The following PPP3CB variants were observed in gnomAD, a reference collection of about 807,000 sequenced individuals.
PPP3CB encodes serine/threonine-protein phosphatase 2B catalytic subunit beta isoform.
A neutral mutation model predicts 66.4 loss-of-function variants in PPP3CB; 8 were observed. The ratio of observed to expected loss-of-function variants is 0.12; its 90% CI spans 0.07 to 0.22. The LOEUF (loss-of-function observed/expected upper bound fraction) is 0.22, where lower values mean the gene tolerates loss of function less well. PPP3CB is among the 10% of genes least tolerant of loss of function. PPP3CB has a pLI of 1.00. For synonymous variants in PPP3CB, 208 were observed against 221.2 expected (o/e 0.94, Z 0.53); for missense variants, 319 against 642.5 (o/e 0.50, Z 5.44).
chr10:73,483,310 T>C (rs2056913981), intron 1 of PPP3CB, among the ~76,000 whole-genome samples: 1 of 152,134 alleles, frequency 6.6e-6, no homozygotes. Flanking sequence ...ATGAAAGCTA[T>C]AGGGAATCAA....
At chr10:73,457,365 G>A (rs1020937037) in intron 9 of PPP3CB, among the ~76,000 whole-genome samples, 6 of 149,230 alleles carry the variant, frequency 4.0e-5, no homozygotes, top group Non-Finnish European at 7.4e-5. Flanking sequence ...GAGTCCAGGA[G>A]TTTGAGATTG....
At chr10:73,478,332 A>G (rs1414001459) in intron 3 of PPP3CB, among the ~76,000 whole-genome samples, 167 bp downstream of exon 3, 1 of 152,212 alleles carries the variant, frequency 6.6e-6, no homozygotes, top group Non-Finnish European at 1.5e-5. Context: ...ATTTATTTGA[A>G]TTGTTTGAAA....
intron 12 of PPP3CB, among the ~76,000 whole-genome samples, chr10:73,443,270 A>AG (rs2056185430): frequency 1.6e-5 from 2 of 128,764 alleles, no homozygotes; most frequent in African/African-American, 6.8e-5. Flanking sequence ...GAGAGAGAGA[A>AG]AGAAAGAAAG....
chr10:73,467,712 G>A (rs770083179), intron 8 of PPP3CB, 34 bp from the exon 9 acceptor site: 3 of 1,481,458 alleles, frequency 2.0e-6, no homozygotes, highest in South Asian at 1.3e-5. Context: ...TAACTTAATA[G>A]ATAAGTAACT....
chr10:73,468,946 A>C (rs1247092845), intron 8 of PPP3CB, among the ~76,000 whole-genome samples: 1 of 152,224 alleles, frequency 6.6e-6, no homozygotes, highest in Non-Finnish European at 1.5e-5. Flanking sequence ...TAGAATGAAA[A>C]ATTACAAACA....
At chr10:73,472,698 T>A (rs75146250) in intron 4 of PPP3CB, among the ~76,000 whole-genome samples, 7,079 of 152,096 alleles carry the variant, frequency 0.047, 502 homozygotes, top group African/African-American at 0.15. Flanking sequence ...GGTTCATCCA[T>A]TTTTTCTGAA....
At chr10:73,479,569 T>A (rs2056842631) in intron 1 of PPP3CB, 52 bp from the exon 2 acceptor site, 1 of 1,510,074 alleles carries the variant, frequency 6.6e-7, no homozygotes. Context: ...TACATTAACT[T>A]AAAAACTAAT....
chr10:73,491,592 C>T (rs1342661280), intron 1 of PPP3CB, among the ~76,000 whole-genome samples: 1 of 152,146 alleles, frequency 6.6e-6, no homozygotes, highest in Non-Finnish European at 1.5e-5. Context: ...AAAATTCAAG[C>T]TGCTTTAAAA....
chr10:73,474,777 C>T (rs1268839923), intron 4 of PPP3CB, 142 bp downstream of exon 4: 13 of 1,279,398 alleles, frequency 1.0e-5, no homozygotes, highest in East Asian at 5.4e-5. Context: ...AGAGAGTGCT[C>T]GACAACTTTC....
At chr10:73,472,338 T>C (rs1195446452) in intron 4 of PPP3CB, among the ~76,000 whole-genome samples, 2 of 151,896 alleles carry the variant, frequency 1.3e-5, no homozygotes, top group African/African-American at 2.4e-5. Context: ...CTACTAAAAA[T>C]ACAAAAATTA....
At chr10:73,492,156 C>T (rs899954216) in intron 1 of PPP3CB, among the ~76,000 whole-genome samples, 1 of 152,046 alleles carries the variant, frequency 6.6e-6, no homozygotes, top group African/African-American at 2.4e-5. Flanking sequence ...CACATAAATT[C>T]AGCATTTTGG....
In PPP3CB at chr10:73,438,396, T is replaced by G; in HGVS notation, c.1421A>C (p.His474Pro). ...EKAIRGFSPP[H>P]RICSFEEAKG... is the part of the protein sequence containing the mutation. The stretch of plus-strand genomic sequence containing the variant: ...TGCCTCTTCAAAACTGCAGATTCTA[T>G]GTGGTGGAGAGAATCCTCGTATTGC... The change falls in exon 14 of 14, where the codon CAT (histidine) becomes CCT (proline). Residue 474 changes from histidine (H) to proline (P), a missense_variant. Coordinates refer to ENST00000360663, the MANE Select transcript of PPP3CB (RefSeq NM_021132.4). 2 of 1,612,738 alleles carry G rather than the reference T, an allele frequency of 1.2e-6. No individual in the cohort carries two copies. Among genetic ancestry groups the G allele is most frequent in the Non-Finnish European group, 1.7e-6 (2 of 1,178,750 alleles).
chr10:73,470,754 A>G lies in PPP3CB; in HGVS notation c.915T>C (p.Thr305=), dbSNP rs758343204. 5 of 1,605,828 alleles carry G rather than the reference A, an allele frequency of 3.1e-6. No individual in the cohort carries two copies. The highest frequency in any genetic ancestry group is 3.4e-5 in the Admixed American group (2 of 59,386). The change falls in exon 8 of 14, where the codon ACT becomes ACC. Residue 305 remains threonine, a synonymous_variant. Coordinates refer to ENST00000360663, the MANE Select transcript of PPP3CB (RefSeq NM_021132.4). ...TTGTTATTAATGAAGGGAACCCTGTAGTTTGACTTTTTCTGTACATTCTAT... is the reference window on the plus strand; with the variant it reads ...TTGTTATTAATGAAGGGAACCCTGTGGTTTGACTTTTTCTGTACATTCTAT... ...AGYRMYRKSQ[T]TGFPSLITIF...
rs546973726 is a variant in PPP3CB at position 73,481,486 on chromosome 10, T to C, written c.86-1969A>G. The stretch of plus-strand genomic sequence containing the variant: ...ACTCCATCAAATATATATATATATA[T>C]ACATATATATATCTCTGAGCATATA... On this transcript the variant is annotated intron_variant, in intron 1 of 13. Coordinates refer to ENST00000360663, the MANE Select transcript of PPP3CB (RefSeq NM_021132.4). 4.0e-3 allele frequency among the ~76,000 whole-genome samples: 599 copies of C among 150,470 alleles called. 1 individual carries two copies. The highest frequency in any genetic ancestry group is 0.014 in the Middle Eastern group (4 of 292).
At chr10:73,470,811 T>C in intron 7 of PPP3CB, 30 bp from the exon 8 acceptor site, 1 of 1,586,904 alleles carries the variant, frequency 6.3e-7, no homozygotes, top group East Asian at 2.2e-5. Flanking sequence ...ATATGCATCG[T>C]AAAGCATCAA....
intron 3 of PPP3CB, among the ~76,000 whole-genome samples, chr10:73,475,730 C>G (rs2056774548): frequency 6.6e-6 from 1 of 152,112 alleles, no homozygotes; most frequent in Non-Finnish European, 1.5e-5. Context: ...AACATTATAG[C>G]AGATGCTATT....
chr10:73,477,087 T>C (rs1215852181), intron 3 of PPP3CB: 3 of 502,292 alleles, frequency 6.0e-6, no homozygotes, highest in African/African-American at 3.9e-5. Flanking sequence ...AATAATACCT[T>C]GGGCAAGTTA....
intron 1 of PPP3CB, among the ~76,000 whole-genome samples, chr10:73,480,794 T>A (rs1317785484): frequency 6.6e-6 from 1 of 152,168 alleles, no homozygotes; most frequent in African/African-American, 2.4e-5. Flanking sequence ...AGTTAAGTAG[T>A]TGGTTTTTTC....
rs1159683241 is a variant in PPP3CB at position 73,438,426 on chromosome 10, T to C, written c.1397-6A>G. Reference sequence around the variant, plus strand: ...TGGAGAGAATCCTCGTATTGCTTAATAAAATGCAAATTTGATAAGTCAGTA... The same window carrying C: ...TGGAGAGAATCCTCGTATTGCTTAACAAAATGCAAATTTGATAAGTCAGTA... On this transcript the variant is annotated splice_region_variant and splice_polypyrimidine_tract_variant and intron_variant, in intron 13 of 13. Coordinates refer to ENST00000360663, the MANE Select transcript of PPP3CB (RefSeq NM_021132.4). 3.1e-6 allele frequency: 5 copies of C among 1,599,042 alleles called. No individual in the cohort carries two copies. Among genetic ancestry groups the C allele is most frequent in the Non-Finnish European group, 4.3e-6 (5 of 1,169,292 alleles).
Sources: gnomAD v4.1 joint callset for allele counts (sites outside exome capture counted in the v4.1 genomes callset) on GRCh38, gnomAD v4.1.1 for gene constraint, MANE v1.5 for transcripts, NCBI Gene and HGNC (gene_info 2026-07-23, HGNC 2026-07-21) for gene names.